Variants in SPATA16 observed in about 807,000 individuals in gnomAD.
SPATA16 encodes spermatogenesis-associated protein 16.
A neutral mutation model predicts 63.3 loss-of-function variants in SPATA16; 36 were observed. That is an observed-to-expected ratio of 0.57 (90% CI 0.44 to 0.75). The LOEUF is 0.75. Ranked by LOEUF, SPATA16 falls within the 30% of genes least tolerant of loss-of-function variation. SPATA16 has a pLI of 0.00. For synonymous variants in SPATA16, 203 were observed against 216.7 expected, an observed-to-expected ratio of 0.94 and a Z score of 0.56; for missense variants, 646 against 679.3, an observed-to-expected ratio of 0.95 and a Z score of 0.54.
At chr3:173,101,052 G>A (rs190907968) in intron 2 of SPATA16, among the ~76,000 whole-genome samples, 2 of 152,250 alleles carry the variant, frequency 1.3e-5, no homozygotes, top group South Asian at 4.1e-4. Context: ...AGAGGTGTGA[G>A]TAACTAAAGG....
intron 10 of SPATA16, among the ~76,000 whole-genome samples, chr3:172,898,729 T>G (rs1407950089): frequency 3.3e-5 from 5 of 151,756 alleles, no homozygotes; most frequent in African/African-American, 1.2e-4. Context: ...AGTTTAATCC[T>G]TATTGTTTTC....
intron 5 of SPATA16, among the ~76,000 whole-genome samples, chr3:172,968,417 G>GA (rs1438102722): frequency 1.2e-4 from 19 of 152,232 alleles, no homozygotes; most frequent in Admixed American, 3.9e-4. Context: ...ACTCATTTTC[G>GA]AAAAAAACTG....
intron 2 of SPATA16, among the ~76,000 whole-genome samples, chr3:173,054,056 A>T (rs1175925192): frequency 6.6e-6 from 1 of 151,866 alleles, no homozygotes; most frequent in Admixed American, 6.6e-5. Context: ...CTGCTTTTTT[A>T]AAATTGGAAA....
intron 2 of SPATA16, among the ~76,000 whole-genome samples, chr3:173,108,478 C>T (rs1401252244): frequency 6.6e-6 from 1 of 152,058 alleles, no homozygotes; most frequent in Non-Finnish European, 1.5e-5. Flanking sequence ...GCTAGTCGTT[C>T]TCAATGTTAA....
At chr3:172,919,354 T>C (rs1732569529) in intron 8 of SPATA16, among the ~76,000 whole-genome samples, 1 of 152,210 alleles carries the variant, frequency 6.6e-6, no homozygotes, top group African/African-American at 2.4e-5. Flanking sequence ...TGAATGGGGT[T>C]GAGGTTCAGT....
At chr3:172,889,792 A>G (rs753921963) in intron 10 of SPATA16, 100 bp from the exon 11 acceptor site, 1 of 1,504,928 alleles carries the variant, frequency 6.6e-7, no homozygotes, top group Non-Finnish European at 9.0e-7. Flanking sequence ...GGCACATACA[A>G]ATCCATGTTG....
At chr3:173,064,949 CAT>C (rs1414447466) in intron 2 of SPATA16, among the ~76,000 whole-genome samples, 4 of 152,210 alleles carry the variant, frequency 2.6e-5, no homozygotes, top group Admixed American at 6.5e-5. Context: ...ATCTGCAACT[CAT>C]GTGAAGGTGT....
At chr3:173,042,494 G>A (rs1349935053) in intron 3 of SPATA16, among the ~76,000 whole-genome samples, 1 of 152,082 alleles carries the variant, frequency 6.6e-6, no homozygotes, top group African/African-American at 2.4e-5. Context: ...CCAAAGTGTT[G>A]GCATTACAGG....
intron 3 of SPATA16, among the ~76,000 whole-genome samples, chr3:173,040,980 T>G (rs1007648623): frequency 2.6e-5 from 4 of 152,168 alleles, no homozygotes; most frequent in African/African-American, 9.6e-5. Flanking sequence ...GTATAATCTT[T>G]GCCCTTTCAC....
chr3:173,091,036 C>T (rs1260647518), intron 2 of SPATA16, among the ~76,000 whole-genome samples: 6 of 149,770 alleles, frequency 4.0e-5, no homozygotes, highest in Non-Finnish European at 3.0e-5. Flanking sequence ...TTACATATTA[C>T]AGCTTCTGGG....
At chr3:173,097,797 G>A (rs1358641163) in intron 2 of SPATA16, among the ~76,000 whole-genome samples, 6 of 152,168 alleles carry the variant, frequency 3.9e-5, no homozygotes, top group Admixed American at 2.0e-4. Flanking sequence ...CAGCAGAGTT[G>A]AAAAAGTTTA....
At chr3:173,009,901 A>G (rs567197914) in intron 4 of SPATA16, among the ~76,000 whole-genome samples, 2 of 152,360 alleles carry the variant, frequency 1.3e-5, no homozygotes, top group Admixed American at 1.3e-4. Context: ...CTTGGGGCTT[A>G]AATACCCTTT....
intron 4 of SPATA16, among the ~76,000 whole-genome samples, chr3:173,014,892 G>C (rs922765348): frequency 4.6e-5 from 7 of 152,082 alleles, no homozygotes; most frequent in African/African-American, 1.4e-4. Flanking sequence ...ACTTTAGTGA[G>C]TGGTCTCCAG....
chr3:172,961,545 C>T (rs1011940566), intron 5 of SPATA16, among the ~76,000 whole-genome samples: 1 of 152,042 alleles, frequency 6.6e-6, no homozygotes, highest in East Asian at 1.9e-4. Flanking sequence ...CAGGCGCCCA[C>T]CACCATGCCC....
At chr3:172,932,710 T>C (rs1355537336) in intron 6 of SPATA16, among the ~76,000 whole-genome samples, 2 of 152,162 alleles carry the variant, frequency 1.3e-5, no homozygotes, top group Admixed American at 1.3e-4. Flanking sequence ...TCTCTACTTT[T>C]AAAAACAGAT....
chr3:172,909,603 A>G (rs1732316986), intron 10 of SPATA16, among the ~76,000 whole-genome samples: 1 of 152,198 alleles, frequency 6.6e-6, no homozygotes, highest in Non-Finnish European at 1.5e-5. Flanking sequence ...AAGCCACGTG[A>G]GTGAACCATC....
chr3:172,907,579 T>C (rs1732270886), intron 10 of SPATA16, among the ~76,000 whole-genome samples: 1 of 146,240 alleles, frequency 6.8e-6, no homozygotes, highest in Non-Finnish European at 1.5e-5. Flanking sequence ...TGGTGTTTTT[T>C]TTGTTTTTTT....
intron 2 of SPATA16, among the ~76,000 whole-genome samples, chr3:173,108,326 G>T (rs1184084675): frequency 1.3e-5 from 2 of 151,954 alleles, no homozygotes; most frequent in Non-Finnish European, 2.9e-5. Flanking sequence ...TAAATTTTCA[G>T]AGTAAATTTT....
At chr3:172,902,007 T>C (rs920096294) in intron 10 of SPATA16, among the ~76,000 whole-genome samples, 6 of 152,180 alleles carry the variant, frequency 3.9e-5, no homozygotes, top group African/African-American at 1.2e-4. Flanking sequence ...TCTCTGACAC[T>C]ACCCTGTTAG....
Sources: gnomAD v4.1 joint callset for allele counts (sites outside exome capture counted in the v4.1 genomes callset) on GRCh38, gnomAD v4.1.1 for gene constraint, MANE v1.5 for transcripts, NCBI Gene and HGNC (gene_info 2026-07-23, HGNC 2026-07-21) for gene names.